The following NRXN1 variants were observed in gnomAD, a reference collection of about 807,000 sequenced individuals.
The protein encoded by NRXN1 is neurexin 1, also known as neurexin-1.
NRXN1 carries 39 observed loss-of-function variants against 150.9 expected under a neutral mutation model. The observed-to-expected ratio is 0.26, with a 90% confidence interval of 0.20 to 0.34. NRXN1 has a LOEUF of 0.34. NRXN1 is among the 10% of genes least tolerant of loss of function. The probability of loss-of-function intolerance (pLI) is 1.00; values close to 1 mark genes in which losing one functional copy is unlikely to be tolerated. For missense variants in NRXN1, 1,815 were observed against 1,949.9 expected (o/e 0.93, Z 1.30); for synonymous variants, 924 against 757.0 (o/e 1.22, Z -3.62).
At chr2:50,772,502 T>C (rs1703132194) in intron 5 of NRXN1, among the ~76,000 whole-genome samples, 1 of 151,686 alleles carries the variant, frequency 6.6e-6, no homozygotes, top group Admixed American at 6.6e-5. Flanking sequence ...ATGAGCTTGG[T>C]TTTACAAAAA....
chr2:50,405,075 A>G (rs1317346583), intron 17 of NRXN1, among the ~76,000 whole-genome samples: 20 of 152,166 alleles, frequency 1.3e-4, no homozygotes, highest in Admixed American at 1.3e-3. Context: ...GAGCTTAAAA[A>G]TGACAAGGTG....
intron 5 of NRXN1, among the ~76,000 whole-genome samples, chr2:50,834,005 AAAC>A (rs1179817327): frequency 6.6e-6 from 1 of 152,144 alleles, no homozygotes; most frequent in South Asian, 2.1e-4. Context: ...CTTTTTTGCC[AAAC>A]AACTGAAATT....
intron 5 of NRXN1, among the ~76,000 whole-genome samples, chr2:50,794,884 ACT>A (rs1706583431): frequency 6.6e-6 from 1 of 152,092 alleles, no homozygotes; most frequent in African/African-American, 2.4e-5. Flanking sequence ...CATTTTTCAG[ACT>A]CTTACAGTGA....
intron 5 of NRXN1, among the ~76,000 whole-genome samples, chr2:50,725,209 T>C (rs1291783566): frequency 6.7e-6 from 1 of 150,222 alleles, no homozygotes; most frequent in Non-Finnish European, 1.5e-5. Flanking sequence ...TGAAAAACCT[T>C]TTTTTTTTAA....
chr2:50,867,207 G>A (rs1439014461), intron 5 of NRXN1, among the ~76,000 whole-genome samples: 1 of 151,634 alleles, frequency 6.6e-6, no homozygotes, highest in Non-Finnish European at 1.5e-5. Context: ...CATTTCTAAG[G>A]GCCCTCTTCC....
intron 2 of NRXN1, among the ~76,000 whole-genome samples, chr2:51,019,979 G>A (rs1363093388): frequency 1.3e-5 from 2 of 151,570 alleles, no homozygotes; most frequent in Non-Finnish European, 2.9e-5. Context: ...TTCCATTAAG[G>A]ATTACTTTGT....
chr2:50,227,697 G>A lies in NRXN1; in HGVS notation c.3546+9092C>T, dbSNP rs371633444. The stretch of plus-strand genomic sequence containing the variant: ...GATGGATTAGAAAGGGAAGATGCTG[G>A]AGGCAGAGAGATTAGTTAGAAGGCT... On this transcript the variant is annotated intron_variant, in intron 18 of 22. Coordinates refer to ENST00000401669, the MANE Select transcript of NRXN1 (RefSeq NM_001330078.2). 1.4e-4 allele frequency among the ~76,000 whole-genome samples: 21 copies of A among 152,108 alleles called. No individual in the cohort carries two copies. The South Asian group carries it at 4.4e-3, about 32-fold the overall frequency.
intron 17 of NRXN1, among the ~76,000 whole-genome samples, chr2:50,385,426 AT>A (rs1347062025): frequency 1.3e-5 from 2 of 152,208 alleles, no homozygotes; most frequent in Admixed American, 6.5e-5. Flanking sequence ...GCCAGAAAGC[AT>A]TTGAAAGCAG....
intron 17 of NRXN1, among the ~76,000 whole-genome samples, chr2:50,249,373 G>A (rs2066824168): frequency 6.6e-6 from 1 of 151,808 alleles, no homozygotes. Context: ...TAATGAGTGG[G>A]GCATTTTGAC....
At chr2:50,890,496 T>C (rs545464369) in intron 5 of NRXN1, among the ~76,000 whole-genome samples, 121 of 151,980 alleles carry the variant, frequency 8.0e-4, no homozygotes, top group African/African-American at 2.8e-3. Context: ...TACTTAGATT[T>C]TTTTTAATGT....
At chr2:50,218,490 C>CTTTTTTT (rs34919769) in intron 18 of NRXN1, among the ~76,000 whole-genome samples, 1 of 136,758 alleles carries the variant, frequency 7.3e-6, no homozygotes. Flanking sequence ...TTAGCACCTT[C>CTTTTTTT]TTTTTTTTTT....
At chr2:50,291,236 A>T (rs1377993639) in intron 17 of NRXN1, among the ~76,000 whole-genome samples, 6 of 148,814 alleles carry the variant, frequency 4.0e-5, no homozygotes, top group African/African-American at 1.6e-4. Context: ...TCAACAAATA[A>T]CCTGGTTTAT....
Position 50,329,578 on chromosome 2 carries a change from A to AGTGTGT in NRXN1, c.3365-92614_3365-92609dup, listed in dbSNP as rs55865684. Reference sequence around the variant, plus strand: ...AGATTAAACTATCATATATAACAGTAGTGTGTGTGTGTGTGTGTGTGTGTG... The same window carrying AGTGTGT: ...AGATTAAACTATCATATATAACAGTAGTGTGTGTGTGTGTGTGTGTGTGTGTGTGTG... On this transcript the variant is annotated intron_variant, in intron 17 of 22. Coordinates refer to ENST00000401669, the MANE Select transcript of NRXN1 (RefSeq NM_001330078.2). Among the ~76,000 whole-genome samples, 334 of 33,890 alleles carry AGTGTGT rather than the reference A, an allele frequency of 9.9e-3. 14 individuals are homozygous for AGTGTGT. Among genetic ancestry groups the AGTGTGT allele is most frequent in the East Asian group, 0.042 (27 of 642 alleles). 22.2% of individuals were successfully genotyped at this position (33,890 alleles called of 152,430 possible). A position where few individuals can be genotyped will look rare whatever the true frequency, so the allele number is the denominator to read the frequency against.
intron 5 of NRXN1, among the ~76,000 whole-genome samples, chr2:50,747,554 G>T (rs978665082): frequency 1.3e-5 from 2 of 151,922 alleles, no homozygotes; most frequent in Non-Finnish European, 2.9e-5. Context: ...AATCCAGAGG[G>T]TGGAATTCCA....
intron 5 of NRXN1, among the ~76,000 whole-genome samples, chr2:50,792,184 A>C (rs573688820): frequency 8.5e-5 from 13 of 152,200 alleles, no homozygotes; most frequent in Admixed American, 2.6e-4. Context: ...TAAAGCTAGA[A>C]TTATGTACGA....
chr2:49,960,020 C>T (rs577620783), intron 21 of NRXN1, among the ~76,000 whole-genome samples: 2 of 152,252 alleles, frequency 1.3e-5, no homozygotes, highest in South Asian at 2.1e-4. Context: ...TACTTTATTT[C>T]AAAACACAGT....
intron 17 of NRXN1, among the ~76,000 whole-genome samples, chr2:50,427,607 G>A (rs2084604328): frequency 6.6e-6 from 1 of 152,152 alleles, no homozygotes; most frequent in Admixed American, 6.5e-5. Context: ...CTAACAAGTT[G>A]TATTAATGCA....
intron 8 of NRXN1, among the ~76,000 whole-genome samples, chr2:50,611,484 T>C (rs1165488987): frequency 6.6e-6 from 1 of 152,168 alleles, no homozygotes; most frequent in African/African-American, 2.4e-5. Context: ...TTCCATTTCC[T>C]TGGGGACCTG....
intron 2 of NRXN1, among the ~76,000 whole-genome samples, chr2:51,006,090 C>T (rs746515749): frequency 4.0e-5 from 6 of 151,740 alleles, no homozygotes; most frequent in Non-Finnish European, 7.4e-5. Context: ...TAGCAATCTT[C>T]AAAACGTGTA....
Sources: allele counts gnomAD v4.1 joint callset (sites outside exome capture counted in the v4.1 genomes callset), GRCh38; gene constraint gnomAD v4.1.1; transcripts MANE v1.5; gene names NCBI Gene and HGNC (gene_info 2026-07-23, HGNC 2026-07-21).